Variants in C10orf90 observed in about 807,000 individuals in gnomAD.
C10orf90 encodes (E2-independent) E3 ubiquitin-conjugating enzyme FATS.
Under a neutral mutation model 62.5 loss-of-function variants are expected in C10orf90, and 56 were observed. The observed-to-expected ratio is 0.90, with a 90% CI of 0.72 to 1.12. The LOEUF is 1.12. C10orf90 is among the 50% of genes most tolerant of loss of function. C10orf90 has a pLI of 0.00. For synonymous variants in C10orf90, 386 were observed against 340.4 expected (o/e 1.13, Z -1.47); for missense variants, 970 against 880.4 (o/e 1.10, Z -1.29).
chr10:126,621,565 C>A (rs977754023), intron 2 of C10orf90, among the ~76,000 whole-genome samples: 1 of 152,116 alleles, frequency 6.6e-6, no homozygotes, highest in Non-Finnish European at 1.5e-5. Context: ...CCATATATTC[C>A]CACCATCTGT....
chr10:126,531,449 G>C (rs548837911), intron 2 of C10orf90, among the ~76,000 whole-genome samples: 15 of 152,246 alleles, frequency 9.9e-5, no homozygotes, highest in African/African-American at 3.4e-4. Context: ...CTGAGGATGA[G>C]AAACCCTGAC....
chr10:126,444,476 G>A lies in C10orf90; in HGVS notation c.2188+14564C>T, dbSNP rs569445909. ...AATATACCTAACAAACGAGATGAAA[G>A]ACCTCTACAAGGAAAACTACAAACA... On this transcript the variant is annotated intron_variant, in intron 7 of 9. Transcript: ENST00000488181. 1.1e-4 allele frequency among the ~76,000 whole-genome samples: 17 copies of A among 152,102 alleles called. 1 individual carries two copies. In the South Asian group the frequency reaches 3.3e-3, roughly 30 times the overall value.
At chr10:126,611,881 G>T (rs914486233) in intron 2 of C10orf90, among the ~76,000 whole-genome samples, 4 of 152,158 alleles carry the variant, frequency 2.6e-5, no homozygotes, top group African/African-American at 7.2e-5. Context: ...ATTCACAATG[G>T]CACAAATCCC....
chr10:126,429,553 C>T (rs763588845), intron 8 of C10orf90, among the ~76,000 whole-genome samples: 1 of 152,228 alleles, frequency 6.6e-6, no homozygotes, highest in African/African-American at 2.4e-5. Context: ...TGGATTGGTT[C>T]AGAATCCAAG....
chr10:126,598,896 A>G (rs1454085670), intron 2 of C10orf90, among the ~76,000 whole-genome samples: 3 of 152,184 alleles, frequency 2.0e-5, no homozygotes, highest in African/African-American at 7.2e-5. Flanking sequence ...CTACCTTCCA[A>G]TTAAATAATG....
At chr10:126,500,171 C>A (rs1448511761) in intron 4 of C10orf90, among the ~76,000 whole-genome samples, 2 of 152,166 alleles carry the variant, frequency 1.3e-5, no homozygotes, top group African/African-American at 4.8e-5. Context: ...TAACTGGCAA[C>A]CAAATACCAG....
chr10:126,442,360 A>G (rs1590904343), intron 7 of C10orf90, among the ~76,000 whole-genome samples: 1 of 150,370 alleles, frequency 6.7e-6, no homozygotes, highest in East Asian at 2.0e-4. Context: ...GGAAAATATC[A>G]CAATCCTATA....
chr10:126,664,837 T>A (rs1591185214), intron 1 of C10orf90, among the ~76,000 whole-genome samples: 1 of 152,244 alleles, frequency 6.6e-6, no homozygotes, highest in East Asian at 1.9e-4. Context: ...GACCTCTAAC[T>A]CCTCACACCT....
At chr10:126,644,414 G>A (rs758671017) in intron 2 of C10orf90, among the ~76,000 whole-genome samples, 38 of 152,256 alleles carry the variant, frequency 2.5e-4, no homozygotes, top group Non-Finnish European at 4.0e-4. Flanking sequence ...ATGAGAGGGT[G>A]CCTTGGAGAA....
chr10:126,626,195 C>T (rs559166992), intron 2 of C10orf90, among the ~76,000 whole-genome samples: 5 of 151,950 alleles, frequency 3.3e-5, no homozygotes, highest in African/African-American at 7.2e-5. Flanking sequence ...ATAAGCCCCT[C>T]TCTTCTGAAC....
At chr10:126,660,117 T>C (rs1441119296) in intron 1 of C10orf90, among the ~76,000 whole-genome samples, 7 of 152,224 alleles carry the variant, frequency 4.6e-5, no homozygotes, top group African/African-American at 1.2e-4. Context: ...GCAGGCCAAA[T>C]ACTCAGATGA....
intron 7 of C10orf90, among the ~76,000 whole-genome samples, chr10:126,455,320 C>T (rs1285535313): frequency 6.6e-6 from 1 of 152,206 alleles, no homozygotes; most frequent in Non-Finnish European, 1.5e-5. Context: ...CCCTTCCTCA[C>T]CCACCCTGCC....
At chr10:126,510,949 A>G (rs759092813) in intron 3 of C10orf90, among the ~76,000 whole-genome samples, 5 of 152,330 alleles carry the variant, frequency 3.3e-5, no homozygotes, top group Admixed American at 2.6e-4. Flanking sequence ...CTCTCCTCCC[A>G]TCTCTACCTT....
intron 2 of C10orf90, among the ~76,000 whole-genome samples, chr10:126,515,873 C>A (rs1266680316): frequency 6.6e-6 from 1 of 152,180 alleles, no homozygotes; most frequent in African/African-American, 2.4e-5. Flanking sequence ...TGGGGCCCTG[C>A]CTCCATCTAT....
rs1251292152 is a variant in C10orf90, at chr10:126,513,928, T to G, written c.325A>C (p.Ser109Arg). 6.2e-7 allele frequency: 1 copy of G among 1,612,118 alleles called. No homozygotes were observed. Among genetic ancestry groups the G allele is most frequent in the Non-Finnish European group, 8.5e-7 (1 of 1,178,824 alleles). The part of the protein sequence containing the change: ...ESLSNAGLRD[S>R]YHSRRDQIAL... ...ATTTGATCTCTTCTACTGTGGTAGC[T>G]GTCCCGTAATCCTAGGCAAAAGAAG... Residue 109 changes from serine (S) to arginine (R), a missense_variant, in exon 3 of 10, where the codon AGC (serine) becomes CGC (arginine). Transcript: ENST00000488181.
intron 2 of C10orf90, among the ~76,000 whole-genome samples, chr10:126,518,234 T>G (rs972509573): frequency 4.6e-5 from 7 of 152,260 alleles, no homozygotes; most frequent in African/African-American, 1.4e-4. Flanking sequence ...GGGGCACTTG[T>G]TGGAAATTCA....
intron 4 of C10orf90, among the ~76,000 whole-genome samples, chr10:126,471,248 A>G (rs1387454366): frequency 3.3e-5 from 5 of 152,210 alleles, no homozygotes; most frequent in African/African-American, 1.2e-4. Flanking sequence ...CTGAAAATCA[A>G]CCCGCAGGGA....
chr10:126,480,434 T>G (rs1413069270), intron 4 of C10orf90, among the ~76,000 whole-genome samples: 1 of 152,248 alleles, frequency 6.6e-6, no homozygotes. Flanking sequence ...CATTTCATGG[T>G]TCAGGGCACT....
At chr10:126,544,852 G>C (rs1864455079) in intron 2 of C10orf90, among the ~76,000 whole-genome samples, 1 of 151,446 alleles carries the variant, frequency 6.6e-6, no homozygotes, top group East Asian at 1.9e-4. Context: ...TGGTGGGGAG[G>C]ACTTTGATTG....
Sources: allele counts gnomAD v4.1 joint callset (sites outside exome capture counted in the v4.1 genomes callset), GRCh38; gene constraint gnomAD v4.1.1; transcripts MANE v1.5; gene names NCBI Gene and HGNC (gene_info 2026-07-23, HGNC 2026-07-21).